NALF1: variants seen among roughly 807,000 people sequenced by gnomAD.
NALF1 encodes the protein family with sequence similarity 155 member A.
Under a neutral mutation model 48.4 loss-of-function variants are expected in NALF1, and 3 were observed. That is an observed-to-expected ratio of 0.06 (90% CI 0.03 to 0.16). NALF1 has a LOEUF of 0.16. Among genes scored for constraint, NALF1 ranks in the 10% least tolerant of loss-of-function variants. The pLI, the probability that NALF1 is intolerant of heterozygous loss-of-function variation, is 1.00. For synonymous variants in NALF1, 262 were observed against 245.7 expected, an observed-to-expected ratio of 1.07 and a Z score of -0.62; for missense variants, 526 against 571.5, an observed-to-expected ratio of 0.92 and a Z score of 0.81.
At position 107,314,210 on chromosome 13, in the gene NALF1, C is replaced by T. The variant is rs565709704; in HGVS notation, c.916-103455G>A. Among the ~76,000 whole-genome samples, 13 of 152,266 alleles carry T rather than the reference C, an allele frequency of 8.5e-5. No individual in the cohort carries two copies. The South Asian group carries it at 1.9e-3, about 22-fold the overall frequency. ...CAATCACTACCCCTGCAAAGGCCATCGGCATCCCATCCTAGAACTCTAGGA... is the reference window on the plus strand; with the variant it reads ...CAATCACTACCCCTGCAAAGGCCATTGGCATCCCATCCTAGAACTCTAGGA... On this transcript the variant is annotated intron_variant, in intron 1 of 2. Transcript: ENST00000375915.
chr13:107,384,585 G>A (rs1204641696), intron 1 of NALF1, among the ~76,000 whole-genome samples: 5 of 151,976 alleles, frequency 3.3e-5, no homozygotes, highest in Non-Finnish European at 7.4e-5. Flanking sequence ...CAAATTAGAA[G>A]TGAATAAATT....
intron 1 of NALF1, among the ~76,000 whole-genome samples, chr13:107,223,676 G>A (rs1374313906): frequency 6.6e-6 from 1 of 152,164 alleles, no homozygotes; most frequent in East Asian, 1.9e-4. Flanking sequence ...TGCTCCCTGT[G>A]TTCCATTGAC....
chr13:107,752,398 T>A lies in NALF1; in HGVS notation c.915+113284A>T, dbSNP rs192226533. ...ACAAGGTATACAAGAAAATTTGTTATACATATATTGTATAATAAATATCAT... is the reference window on the plus strand; with the variant it reads ...ACAAGGTATACAAGAAAATTTGTTAAACATATATTGTATAATAAATATCAT... On this transcript the variant is annotated intron_variant, in intron 1 of 2. Coordinates refer to ENST00000375915, the MANE Select transcript of NALF1 (RefSeq NM_001080396.3). 1.1e-4 allele frequency among the ~76,000 whole-genome samples: 16 copies of A among 152,274 alleles called. 1 individual carries two copies. The highest frequency in any genetic ancestry group is 1.0e-3 in the Admixed American group (16 of 15,284).
intron 1 of NALF1, among the ~76,000 whole-genome samples, chr13:107,714,626 T>TAAAAAAAGA (rs1555320363): frequency 7.9e-6 from 1 of 126,490 alleles, no homozygotes; most frequent in Non-Finnish European, 1.6e-5. Context: ...GAGGCTTTAT[T>TAAAAAAAGA]AAAAAAAAAA....
chr13:107,589,321 A>C (rs929879786), intron 1 of NALF1, among the ~76,000 whole-genome samples: 1 of 152,048 alleles, frequency 6.6e-6, no homozygotes, highest in Non-Finnish European at 1.5e-5. Context: ...TGAAGCCAAA[A>C]GCAAATTCCA....
intron 1 of NALF1, among the ~76,000 whole-genome samples, chr13:107,809,610 C>G (rs1449835464): frequency 6.6e-6 from 1 of 152,118 alleles, no homozygotes; most frequent in Non-Finnish European, 1.5e-5. Context: ...CAGTTGTTGG[C>G]TGGTGGTCTT....
intron 2 of NALF1, among the ~76,000 whole-genome samples, chr13:107,198,608 T>C (rs925377383): frequency 6.6e-6 from 1 of 152,250 alleles, no homozygotes; most frequent in Non-Finnish European, 1.5e-5. Flanking sequence ...TGAATATGTC[T>C]GTTTTACTCC....
intron 1 of NALF1, among the ~76,000 whole-genome samples, chr13:107,723,020 A>G (rs1876033696): frequency 6.6e-6 from 1 of 152,242 alleles, no homozygotes; most frequent in Non-Finnish European, 1.5e-5. Context: ...TCAAAACTGA[A>G]AAAATATCTT....
At chr13:107,453,011 C>T (rs1884768435) in intron 1 of NALF1, among the ~76,000 whole-genome samples, 1 of 152,210 alleles carries the variant, frequency 6.6e-6, no homozygotes, top group Admixed American at 6.5e-5. Context: ...AAGAGGTGGG[C>T]TCCCACAACC....
chr13:107,418,254 C>T (rs566103400), intron 1 of NALF1, among the ~76,000 whole-genome samples: 1 of 152,254 alleles, frequency 6.6e-6, no homozygotes, highest in African/African-American at 2.4e-5. Flanking sequence ...CCAGCAATTC[C>T]TGTCTCCAGC....
chr13:107,467,836 G>C (rs553209242), intron 1 of NALF1, among the ~76,000 whole-genome samples: 3 of 151,874 alleles, frequency 2.0e-5, no homozygotes, highest in Non-Finnish European at 4.4e-5. Flanking sequence ...GTCAGGAGAC[G>C]GAGACCATTC....
intron 1 of NALF1, among the ~76,000 whole-genome samples, chr13:107,829,875 T>C (rs762520061): frequency 2.6e-4 from 39 of 152,212 alleles, no homozygotes; most frequent in Non-Finnish European, 4.7e-4. Flanking sequence ...CACTATCATC[T>C]GTACCAAAGA....
intron 1 of NALF1, among the ~76,000 whole-genome samples, chr13:107,377,421 G>A (rs533676007): frequency 2.0e-5 from 3 of 152,258 alleles, no homozygotes; most frequent in Non-Finnish European, 2.9e-5. Context: ...GAGGATCATG[G>A]AGAATCTAAA....
chr13:107,530,605 C>T (rs1402015411), intron 1 of NALF1, among the ~76,000 whole-genome samples: 1 of 152,062 alleles, frequency 6.6e-6, no homozygotes, highest in African/African-American at 2.4e-5. Context: ...ACTCATTCCA[C>T]ACAAAAATGC....
chr13:107,685,812 C>T (rs937691395), intron 1 of NALF1, among the ~76,000 whole-genome samples: 4 of 152,160 alleles, frequency 2.6e-5, no homozygotes, highest in African/African-American at 9.7e-5. Flanking sequence ...TGATTAAATT[C>T]CCCTGTGGAT....
At chr13:107,499,016 C>T (rs80077767) in intron 1 of NALF1, among the ~76,000 whole-genome samples, 2,794 of 152,156 alleles carry the variant, frequency 0.018, 99 homozygotes, top group African/African-American at 0.064. Flanking sequence ...CAGTACATAT[C>T]TAACACACAC....
At chr13:107,313,860 A>G (rs1411811390) in intron 1 of NALF1, among the ~76,000 whole-genome samples, 3 of 152,116 alleles carry the variant, frequency 2.0e-5, no homozygotes, top group African/African-American at 7.2e-5. Context: ...GAACCAATGT[A>G]CATCTTACAC....
At chr13:107,209,797 C>T (rs1025763807) in intron 2 of NALF1, among the ~76,000 whole-genome samples, 24 of 152,072 alleles carry the variant, frequency 1.6e-4, no homozygotes, top group Non-Finnish European at 2.4e-4. Flanking sequence ...ATTCCAGGGA[C>T]GCCTTATAGC....
chr13:107,493,907 C>A (rs1875236948), intron 1 of NALF1, among the ~76,000 whole-genome samples: 1 of 152,014 alleles, frequency 6.6e-6, no homozygotes, highest in African/African-American at 2.4e-5. Flanking sequence ...TATATATATA[C>A]ACACACATAT....
Sources: gnomAD v4.1 joint callset for allele counts (sites outside exome capture counted in the v4.1 genomes callset) on GRCh38, gnomAD v4.1.1 for gene constraint, MANE v1.5 for transcripts, NCBI Gene and HGNC (gene_info 2026-07-23, HGNC 2026-07-21) for gene names.